Variants in VSTM4 observed in about 807,000 individuals in gnomAD.
The protein encoded by VSTM4 is V-set and transmembrane domain-containing protein 4.
In VSTM4, 20 loss-of-function variants were observed where a neutral mutation model predicts 36.4. The ratio of observed to expected loss-of-function variants is 0.55; its 90% CI spans 0.39 to 0.80. The LOEUF (loss-of-function observed/expected upper bound fraction) is 0.80, where lower values mean the gene tolerates loss of function less well. VSTM4 is among the 30% of genes least tolerant of loss of function. The pLI is 0.00. For missense variants in VSTM4, 392 were observed against 404.5 expected, an observed-to-expected ratio of 0.97 and a Z score of 0.26; for synonymous variants, 182 against 173.9, an observed-to-expected ratio of 1.05 and a Z score of -0.37.
chr10:49,067,824 T>C (rs991665448), intron 4 of VSTM4, among the ~76,000 whole-genome samples: 11 of 152,178 alleles, frequency 7.2e-5, no homozygotes, highest in Non-Finnish European at 1.0e-4. Flanking sequence ...CTTGTAACTA[T>C]AGTCATCCCT....
At chr10:49,077,372 A>G (rs1312459130) in intron 3 of VSTM4, 46 bp from the exon 4 acceptor site, 2 of 1,554,050 alleles carry the variant, frequency 1.3e-6, no homozygotes, top group Non-Finnish European at 1.8e-6. Context: ...TGGGGGCCGC[A>G]GCAGAAGTGC....
intron 1 of VSTM4, 36 bp from the exon 2 acceptor site, chr10:49,108,031 G>A: frequency 4.6e-6 from 7 of 1,519,544 alleles, no homozygotes; most frequent in South Asian, 1.2e-5. Flanking sequence ...GGATGAGGAG[G>A]GCCCCAAGTC....
chr10:49,066,236 C>A (rs2131979846), intron 4 of VSTM4, among the ~76,000 whole-genome samples: 1 of 152,312 alleles, frequency 6.6e-6, no homozygotes, highest in African/African-American at 2.4e-5. Context: ...AATCAAAGCA[C>A]ACCATCCTGG....
intron 4 of VSTM4, among the ~76,000 whole-genome samples, chr10:49,065,923 G>A (rs1312315147): frequency 1.3e-5 from 2 of 151,416 alleles, no homozygotes; most frequent in East Asian, 1.9e-4. Flanking sequence ...TCCATTTACC[G>A]AGCATCTACT....
At chr10:49,115,209 A>C (rs2132035637) in intron 1 of VSTM4, among the ~76,000 whole-genome samples, 1 of 151,568 alleles carries the variant, frequency 6.6e-6, no homozygotes, top group African/African-American at 2.4e-5. Flanking sequence ...CGGGACGGGG[A>C]CCGCGCTCAC....
intron 1 of VSTM4, 90 bp from the exon 2 acceptor site, chr10:49,108,085 A>G: frequency 6.9e-7 from 1 of 1,440,794 alleles, no homozygotes; most frequent in South Asian, 1.4e-5. Context: ...AAATGCCTCC[A>G]CGCACTGGGC....
intron 3 of VSTM4, among the ~76,000 whole-genome samples, chr10:49,085,019 G>A (rs147814531): frequency 9.8e-5 from 15 of 152,362 alleles, no homozygotes; most frequent in African/African-American, 3.6e-4. Context: ...ACTGTACCCT[G>A]GAGTAGCAAA....
At chr10:49,025,799 C>T (rs189734272) in intron 7 of VSTM4, among the ~76,000 whole-genome samples, 113 of 152,322 alleles carry the variant, frequency 7.4e-4, no homozygotes, top group Non-Finnish European at 1.1e-3. Context: ...CACCCGGGGC[C>T]GAGACAGATC....
rs201561358 is a variant in VSTM4, at chr10:49,069,387, G to A, written c.635-4651C>T. On this transcript the variant is annotated intron_variant, in intron 4 of 7. Transcript: ENST00000332853. ...AGGCAAGGACTGTGGCAACCCTGGC[G>A]TTGCAAGGGGTCACAGTACTTCATG... is the stretch of plus-strand genomic sequence containing the variant. Among the ~76,000 whole-genome samples, 13 of 152,326 alleles carry A rather than the reference G, an allele frequency of 8.5e-5. No individual in the cohort carries two copies. The East Asian group carries it at 1.7e-3, about 20-fold the overall frequency.
intron 2 of VSTM4, among the ~76,000 whole-genome samples, chr10:49,096,843 C>A (rs925562959): frequency 1.3e-5 from 2 of 151,934 alleles, no homozygotes; most frequent in East Asian, 3.9e-4. Context: ...TTAGTAGACA[C>A]GGGGTTTCAC....
At chr10:49,083,877 C>G (rs940159065) in intron 3 of VSTM4, among the ~76,000 whole-genome samples, 1 of 152,166 alleles carries the variant, frequency 6.6e-6, no homozygotes, top group African/African-American at 2.4e-5. Flanking sequence ...ACCTGTGGCC[C>G]TGAAAGTTCT....
At chr10:49,088,696 A>G (rs991739781) in intron 2 of VSTM4, among the ~76,000 whole-genome samples, 4 of 152,278 alleles carry the variant, frequency 2.6e-5, no homozygotes, top group Non-Finnish European at 4.4e-5. Flanking sequence ...TTGCATTCCA[A>G]GAGCTTTGCA....
At chr10:49,103,406 G>A in intron 2 of VSTM4, 2 of 512,684 alleles carry the variant, frequency 3.9e-6, no homozygotes, top group South Asian at 8.3e-5. Context: ...GGAAGGATTT[G>A]CACTGAAATG....
intron 5 of VSTM4, among the ~76,000 whole-genome samples, chr10:49,062,483 A>C (rs1843894846): frequency 6.6e-6 from 1 of 152,200 alleles, no homozygotes; most frequent in African/African-American, 2.4e-5. Context: ...GGTATTTAAA[A>C]ATGTGCCATT....
chr10:49,057,127 C>T (rs1843794238), intron 5 of VSTM4, among the ~76,000 whole-genome samples: 1 of 152,010 alleles, frequency 6.6e-6, no homozygotes, highest in Admixed American at 6.6e-5. Context: ...GAGGGATCTG[C>T]CCCCATGACC....
At chr10:49,113,313 G>T (rs1844931211) in intron 1 of VSTM4, among the ~76,000 whole-genome samples, 1 of 152,214 alleles carries the variant, frequency 6.6e-6, no homozygotes, top group Non-Finnish European at 1.5e-5. Flanking sequence ...CAGAGGTGAT[G>T]CCAGACCTAG....
At chr10:49,091,519 A>C (rs1723811092) in intron 2 of VSTM4, among the ~76,000 whole-genome samples, 1 of 152,182 alleles carries the variant, frequency 6.6e-6, no homozygotes, top group Non-Finnish European at 1.5e-5. Context: ...CTTTGATGGG[A>C]CCTGGGGGGA....
rs532133937 is a variant in VSTM4 at position 49,095,106 on chromosome 10, C to T, written c.458-9083G>A. 4.6e-5 allele frequency among the ~76,000 whole-genome samples: 7 copies of T among 152,222 alleles called. 1 individual carries two copies. The South Asian group carries it at 6.2e-4, about 14-fold the overall frequency. ...ATGAAATAGACTTCCCATGGCAAGG[C>T]GGTCGGAAAAGAAGTCCACATTCTG... On this transcript the variant is annotated intron_variant, in intron 2 of 7. Coordinates refer to ENST00000332853, the MANE Select transcript of VSTM4 (RefSeq NM_001031746.5).
intron 3 of VSTM4, among the ~76,000 whole-genome samples, chr10:49,077,975 C>T (rs1354342858): frequency 6.7e-6 from 1 of 148,470 alleles, no homozygotes; most frequent in Non-Finnish European, 1.5e-5. Flanking sequence ...AAAAACCACA[C>T]AATCCTGTTG....
Sources: gnomAD v4.1 joint callset for allele counts (sites outside exome capture counted in the v4.1 genomes callset) on GRCh38, gnomAD v4.1.1 for gene constraint, MANE v1.5 for transcripts, NCBI Gene and HGNC (gene_info 2026-07-23, HGNC 2026-07-21) for gene names.